The following AGBL4 variants were observed in gnomAD, a reference collection of about 807,000 sequenced individuals.
AGBL4 encodes AGBL carboxypeptidase 4.
A neutral mutation model predicts 66.4 loss-of-function variants in AGBL4; 58 were observed. The ratio of observed to expected loss-of-function variants is 0.87; its 90% confidence interval spans 0.71 to 1.09. The LOEUF (loss-of-function observed/expected upper bound fraction) is 1.09, where lower values mean the gene tolerates loss of function less well. Ranked by LOEUF, AGBL4 falls within the 50% of genes least tolerant of loss-of-function variation. The pLI is 0.00. For missense variants in AGBL4, 579 were observed against 631.0 expected (o/e 0.92, Z 0.88); for synonymous variants, 234 against 222.9 (o/e 1.05, Z -0.44).
At chr1:49,193,812 C>T (rs908560594) in intron 4 of AGBL4, among the ~76,000 whole-genome samples, 6 of 152,046 alleles carry the variant, frequency 3.9e-5, no homozygotes, top group African/African-American at 1.2e-4. Flanking sequence ...GGATTACAGG[C>T]GTGAGCCACC....
intron 1 of AGBL4, among the ~76,000 whole-genome samples, chr1:49,987,613 T>C (rs1365588981): frequency 6.6e-6 from 1 of 152,058 alleles, no homozygotes; most frequent in Non-Finnish European, 1.5e-5. Flanking sequence ...GCCAAGCACA[T>C]ATTATATTTA....
chr1:49,505,202 T>C (rs1207393267), intron 3 of AGBL4, among the ~76,000 whole-genome samples: 2 of 151,974 alleles, frequency 1.3e-5, no homozygotes, highest in African/African-American at 4.8e-5. Flanking sequence ...AAAAGTATTG[T>C]AGCTATTGTT....
Position 48,776,548 on chromosome 1 carries a change from C to G in AGBL4, c.634+90643G>C, listed in dbSNP as rs987633746. 9 of 1,274,596 alleles carry G rather than the reference C, an allele frequency of 7.1e-6. No individual in the cohort carries two copies. The East Asian group carries it at 2.5e-4, about 35-fold the overall frequency. The allele number at this position is 1,274,596 out of a possible 1,614,324, so 79.0% of individuals were successfully genotyped here. A position where few individuals can be genotyped will look rare whatever the true frequency, so the allele number is the denominator to read the frequency against. On this transcript the variant is annotated intron_variant, in intron 6 of 13. Coordinates refer to ENST00000371839, the MANE Select transcript of AGBL4 (RefSeq NM_032785.4). ...TCCCCTCCGCCCGGGCCCCCGGCCC[C>G]TCCCGGGGTCCCAGCCCCCGCCCGG...
intron 3 of AGBL4, among the ~76,000 whole-genome samples, chr1:49,361,243 G>T (rs1036042520): frequency 1.3e-4 from 20 of 152,218 alleles, no homozygotes; most frequent in African/African-American, 4.6e-4. Context: ...AATTTTCAAA[G>T]TCCCTCTGAC....
chr1:49,969,540 C>T (rs1657874656), intron 1 of AGBL4, among the ~76,000 whole-genome samples: 1 of 152,076 alleles, frequency 6.6e-6, no homozygotes, highest in Non-Finnish European at 1.5e-5. Flanking sequence ...CACCCCACAT[C>T]CCCTGGTAAC....
intron 4 of AGBL4, among the ~76,000 whole-genome samples, chr1:49,169,688 C>T (rs1187810413): frequency 6.6e-6 from 1 of 152,158 alleles, no homozygotes; most frequent in Non-Finnish European, 1.5e-5. Context: ...TTGAGTGATT[C>T]TATGTGCCGG....
chr1:49,494,867 T>C (rs2148751228), intron 3 of AGBL4, among the ~76,000 whole-genome samples: 1 of 152,166 alleles, frequency 6.6e-6, no homozygotes, highest in Non-Finnish European at 1.5e-5. Flanking sequence ...TCCCCAATGG[T>C]TGAACTAGTT....
intron 6 of AGBL4, among the ~76,000 whole-genome samples, chr1:48,787,440 G>A (rs1017907127): frequency 1.3e-5 from 2 of 152,060 alleles, no homozygotes; most frequent in Admixed American, 6.6e-5. Context: ...CAATCCACAG[G>A]ATAAAGATGG....
At chr1:49,333,961 G>A (rs1056691144) in intron 3 of AGBL4, among the ~76,000 whole-genome samples, 1 of 152,168 alleles carries the variant, frequency 6.6e-6, no homozygotes, top group Admixed American at 6.5e-5. Flanking sequence ...GCAGATGCAG[G>A]CTCCTACAAT....
intron 3 of AGBL4, among the ~76,000 whole-genome samples, chr1:49,372,396 C>A (rs1427711502): frequency 6.6e-6 from 1 of 152,052 alleles, no homozygotes; most frequent in East Asian, 1.9e-4. Flanking sequence ...CCTTAGCAAG[C>A]CATTTAAAGT....
intron 5 of AGBL4, among the ~76,000 whole-genome samples, chr1:48,996,747 T>C (rs1289066366): frequency 6.6e-6 from 1 of 151,920 alleles, no homozygotes; most frequent in Non-Finnish European, 1.5e-5. Context: ...TTAGAAAAAT[T>C]TTGGTATGAA....
chr1:49,943,333 C>A (rs1457077697), intron 1 of AGBL4, among the ~76,000 whole-genome samples: 1 of 152,106 alleles, frequency 6.6e-6, no homozygotes, highest in East Asian at 1.9e-4. Flanking sequence ...TGAAGTACTG[C>A]ATCATGAACT....
intron 5 of AGBL4, among the ~76,000 whole-genome samples, chr1:48,986,074 G>A (rs1319504266): frequency 1.3e-5 from 2 of 151,910 alleles, no homozygotes; most frequent in African/African-American, 4.8e-5. Context: ...TAGTGAATTC[G>A]AAGACATAGC....
chr1:49,871,666 C>T (rs1014429744), intron 1 of AGBL4, among the ~76,000 whole-genome samples: 10 of 151,934 alleles, frequency 6.6e-5, no homozygotes, highest in African/African-American at 2.4e-4. Flanking sequence ...GTTGTTTAAC[C>T]TTCTTTGGAT....
At chr1:48,582,844 T>C (rs1256676587) in intron 11 of AGBL4, among the ~76,000 whole-genome samples, 3 of 152,108 alleles carry the variant, frequency 2.0e-5, no homozygotes, top group Admixed American at 6.5e-5. Flanking sequence ...AGAAGGGAAG[T>C]CAGAGAGCAA....
intron 6 of AGBL4, chr1:48,727,872 G>C (rs186920009): frequency 6.3e-7 from 1 of 1,598,620 alleles, no homozygotes; most frequent in East Asian, 2.2e-5. Flanking sequence ...AAAGCTTTAT[G>C]AAAAATCCAA....
intron 1 of AGBL4, among the ~76,000 whole-genome samples, chr1:50,019,725 A>G (rs904458352): frequency 5.3e-5 from 8 of 152,130 alleles, no homozygotes; most frequent in African/African-American, 1.9e-4. Context: ...ATAGAAAAAC[A>G]AATTATTTTA....
At chr1:48,976,853 G>C (rs1354900841) in intron 5 of AGBL4, among the ~76,000 whole-genome samples, 1 of 151,638 alleles carries the variant, frequency 6.6e-6, no homozygotes, top group Non-Finnish European at 1.5e-5. Flanking sequence ...ACCTAAAGTT[G>C]CAACACTCTT....
chr1:48,931,526 C>CTT (rs1655034229), intron 5 of AGBL4, among the ~76,000 whole-genome samples: 1 of 151,978 alleles, frequency 6.6e-6, no homozygotes, highest in Non-Finnish European at 1.5e-5. Context: ...CTCTTTCTCT[C>CTT]TCTTTTTTTT....
Sources: allele counts gnomAD v4.1 joint callset (sites outside exome capture counted in the v4.1 genomes callset), GRCh38; gene constraint gnomAD v4.1.1; transcripts MANE v1.5; gene names NCBI Gene and HGNC (gene_info 2026-07-23, HGNC 2026-07-21).